Variants in COPG2 observed in about 807,000 individuals in gnomAD.
The protein encoded by COPG2 is coatomer subunit gamma-2.
COPG2 carries 37 observed loss-of-function variants against 46.3 expected under a neutral mutation model. The ratio of observed to expected loss-of-function variants is 0.80; its 90% CI spans 0.61 to 1.05. The LOEUF (loss-of-function observed/expected upper bound fraction) is 1.05, where lower values mean the gene tolerates loss of function less well. Ranked by LOEUF, COPG2 falls within the 50% of genes least tolerant of loss-of-function variation. The pLI is 0.00. For missense variants in COPG2, 427 were observed against 387.8 expected, an observed-to-expected ratio of 1.10 and a Z score of -0.85; for synonymous variants, 159 against 129.7, an observed-to-expected ratio of 1.23 and a Z score of -1.53.
Position 130,587,435 on chromosome 7 carries a change from T to C in COPG2, c.738-23042A>G, listed in dbSNP as rs1365316369. On this transcript the variant is annotated intron_variant, in intron 9 of 23. Transcript: ENST00000425248. ...GTTACTACAAAAATCATTCTGTTAATGTTAAATGCAAATGAAAATATAATA... is the reference window on the plus strand; with the variant it reads ...GTTACTACAAAAATCATTCTGTTAACGTTAAATGCAAATGAAAATATAATA... Among the ~76,000 whole-genome samples, 8 of 152,134 alleles carry C rather than the reference T, an allele frequency of 5.3e-5. 1 individual carries two copies. In the South Asian group the frequency reaches 8.3e-4, roughly 16 times the overall value.
chr7:130,625,085 G>A (rs1303718834), intron 5 of COPG2, among the ~76,000 whole-genome samples: 3 of 151,908 alleles, frequency 2.0e-5, no homozygotes, highest in Non-Finnish European at 4.4e-5. Flanking sequence ...ATTGTTTTTT[G>A]ACTTTTTAAT....
intron 5 of COPG2, among the ~76,000 whole-genome samples, chr7:130,634,434 C>T (rs1795295170): frequency 6.6e-6 from 1 of 152,150 alleles, no homozygotes; most frequent in African/African-American, 2.4e-5. Flanking sequence ...AGAGGTCCTT[C>T]CCATCCCTTA....
chr7:130,629,526 C>T (rs2116540061), intron 5 of COPG2, among the ~76,000 whole-genome samples: 1 of 151,028 alleles, frequency 6.6e-6, no homozygotes, highest in Non-Finnish European at 1.5e-5. Context: ...TCCCGAGTAG[C>T]TGGGACTACA....
intron 20 of COPG2, among the ~76,000 whole-genome samples, chr7:130,527,564 GA>G (rs1486775618): frequency 1.3e-5 from 2 of 151,392 alleles, no homozygotes; most frequent in East Asian, 1.9e-4. Flanking sequence ...AAAGTAAGGG[GA>G]AAAAAAAGCA....
intron 9 of COPG2, among the ~76,000 whole-genome samples, chr7:130,572,479 A>C (rs1311919045): frequency 3.3e-5 from 5 of 152,036 alleles, no homozygotes; most frequent in African/African-American, 1.2e-4. Context: ...AACAAATCTC[A>C]ATACATTTAA....
intron 20 of COPG2, among the ~76,000 whole-genome samples, chr7:130,534,565 C>T (rs1400196234): frequency 1.3e-5 from 2 of 151,944 alleles, no homozygotes; most frequent in African/African-American, 2.4e-5. Context: ...AAAAGTAGGT[C>T]GGTAGCAAAT....
intron 9 of COPG2, among the ~76,000 whole-genome samples, chr7:130,591,072 G>T (rs1302243758): frequency 6.9e-6 from 1 of 144,704 alleles, no homozygotes; most frequent in Admixed American, 6.9e-5. Flanking sequence ...CCGGCCAGCC[G>T]CCCCGTCCAG....
intron 20 of COPG2, among the ~76,000 whole-genome samples, chr7:130,523,114 T>A (rs1326131859): frequency 3.8e-3 from 1 of 260 alleles, no homozygotes; most frequent in East Asian, 0.083. Flanking sequence ...GTGAAACTCT[T>A]CTCTCAAAAA....
chr7:130,631,826 C>T (rs566854123), intron 5 of COPG2, among the ~76,000 whole-genome samples: 1 of 152,130 alleles, frequency 6.6e-6, no homozygotes, highest in Admixed American at 6.5e-5. Context: ...TTAACATTTC[C>T]AGTATTCTTC....
intron 5 of COPG2, among the ~76,000 whole-genome samples, chr7:130,650,985 A>G (rs1563071405): frequency 6.6e-6 from 1 of 152,330 alleles, no homozygotes; most frequent in East Asian, 1.9e-4. Flanking sequence ...TGTTTATGTC[A>G]CTGTTTACAT....
chr7:130,570,947 G>A (rs568897448), intron 9 of COPG2, among the ~76,000 whole-genome samples: 148 of 152,246 alleles, frequency 9.7e-4, no homozygotes, highest in African/African-American at 3.2e-3. Context: ...CATAAAGCGG[G>A]GAAAGGACAT....
intron 9 of COPG2, among the ~76,000 whole-genome samples, chr7:130,579,919 A>G (rs1794099098): frequency 6.6e-6 from 1 of 152,028 alleles, no homozygotes; most frequent in South Asian, 2.1e-4. Context: ...CCCCACTGTC[A>G]ACATTAGACA....
chr7:130,532,342 C>G (rs925623984), intron 20 of COPG2, among the ~76,000 whole-genome samples: 2 of 151,976 alleles, frequency 1.3e-5, no homozygotes, highest in African/African-American at 2.4e-5. Context: ...GTGGGCTGTG[C>G]GGGTGAGAGC....
chr7:130,583,419 T>A (rs1456524804), intron 9 of COPG2, among the ~76,000 whole-genome samples: 1 of 142,118 alleles, frequency 7.0e-6, no homozygotes, highest in African/African-American at 2.6e-5. Context: ...GTGGGTGCAG[T>A]GCACCAGCAT....
Position 130,508,445 on chromosome 7 carries a change from A to G in COPG2, c.2247+117T>C, listed in dbSNP as rs1248560013. ...CCTCCTAATTTGTCATCTGTTTCAG[A>G]AGAATAGAAATCCCTTAAGTTTATG... is the stretch of plus-strand genomic sequence containing the variant. On this transcript the variant is annotated intron_variant, in intron 21 of 23. Transcript: ENST00000425248. 3 of 628,882 alleles carry G rather than the reference A, an allele frequency of 4.8e-6. No homozygotes were observed. The African/African-American group carries it at 5.5e-5, about 12-fold the overall frequency. 39.0% of individuals were successfully genotyped at this position (628,882 alleles called of 1,614,324 possible). A position where few individuals can be genotyped will look rare whatever the true frequency, so the allele number is the denominator to read the frequency against.
intron 20 of COPG2, among the ~76,000 whole-genome samples, chr7:130,541,861 C>T (rs1431333539): frequency 7.1e-6 from 1 of 140,552 alleles, no homozygotes; most frequent in Non-Finnish European, 1.5e-5. Flanking sequence ...CGAATTAGGC[C>T]AGTGGCAGAA....
chr7:130,658,616 ATC>A (rs1217404067), intron 4 of COPG2, among the ~76,000 whole-genome samples: 2 of 152,194 alleles, frequency 1.3e-5, no homozygotes, highest in African/African-American at 2.4e-5. Context: ...TTTACAAAAC[ATC>A]TGTCTGATAA....
At chr7:130,629,129 G>GA (rs1490731126) in intron 5 of COPG2, among the ~76,000 whole-genome samples, 6 of 151,810 alleles carry the variant, frequency 4.0e-5, no homozygotes, top group Admixed American at 1.3e-4. Flanking sequence ...CATGTTTTCT[G>GA]AAAAAAACAG....
At chr7:130,544,483 CTG>C (rs1226531669) in intron 20 of COPG2, among the ~76,000 whole-genome samples, 2 of 152,022 alleles carry the variant, frequency 1.3e-5, no homozygotes, top group African/African-American at 4.8e-5. Flanking sequence ...CTATTAAAGA[CTG>C]TTTTAAAATA....
Sources: allele counts gnomAD v4.1 joint callset (sites outside exome capture counted in the v4.1 genomes callset), GRCh38; gene constraint gnomAD v4.1.1; transcripts MANE v1.5; gene names NCBI Gene and HGNC (gene_info 2026-07-23, HGNC 2026-07-21).